SLC43A2: variants seen among roughly 807,000 people sequenced by gnomAD.
SLC43A2 encodes the protein solute carrier family 43 member 2.
A neutral mutation model predicts 63.2 loss-of-function variants in SLC43A2; 38 were observed. The observed-to-expected ratio is 0.60, with a 90% CI of 0.46 to 0.79. SLC43A2 has a LOEUF of 0.79. SLC43A2 is among the 30% of genes least tolerant of loss of function. The probability of loss-of-function intolerance (pLI) is 0.00; values close to 1 mark genes in which losing one functional copy is unlikely to be tolerated. For missense variants in SLC43A2, 644 were observed against 756.2 expected, an observed-to-expected ratio of 0.85 and a Z score of 1.74; for synonymous variants, 322 against 331.0, an observed-to-expected ratio of 0.97 and a Z score of 0.30.
chr17:1,611,363 C>T lies in SLC43A2; in HGVS notation c.501+1832G>A, dbSNP rs985596899. 9.9e-5 allele frequency among the ~76,000 whole-genome samples: 15 copies of T among 152,050 alleles called. No individual in the cohort carries two copies. In the East Asian group the frequency reaches 2.5e-3, roughly 26 times the overall value. ...GAGCTGCTGGTTTTCGGCCGAGCGCCGTGGCTCACGCCTGTCATCCCAGCA... is the reference window on the plus strand; with the variant it reads ...GAGCTGCTGGTTTTCGGCCGAGCGCTGTGGCTCACGCCTGTCATCCCAGCA... On this transcript the variant is annotated intron_variant, in intron 5 of 13. Coordinates refer to ENST00000301335, the MANE Select transcript of SLC43A2 (RefSeq NM_152346.3).
chr17:1,605,054 CT>C lies in SLC43A2; in HGVS notation c.501+8140del. The C allele has an allele frequency of 2.8e-6, 4 of 1,411,258 alleles. No homozygotes were observed. The highest frequency in any genetic ancestry group is 3.7e-6 in the Non-Finnish European group (4 of 1,083,666). The allele number at this position is 1,411,258 out of a possible 1,614,324, so 87.4% of individuals were successfully genotyped here. On this transcript the variant is annotated intron_variant, in intron 5 of 13. Transcript: ENST00000301335. This position sits in a 1 kb window ranked among gnomAD's most constrained non-coding sequence, Gnocchi z 4.9. The stretch of plus-strand genomic sequence containing the variant: ...TTTGCTGCCAAGCAGGAAGCCGGAG[CT>C]GTTTCCTGACTCACCACCACACTCA...
At chr17:1,611,911 C>G (rs200443676) in intron 5 of SLC43A2, among the ~76,000 whole-genome samples, 1 of 152,076 alleles carries the variant, frequency 6.6e-6, no homozygotes, top group Non-Finnish European at 1.5e-5. Context: ...GGCGAGCCCA[C>G]AGAGTTCCCT....
At chr17:1,587,265 T>C (rs1168074116) in intron 9 of SLC43A2, among the ~76,000 whole-genome samples, 5 of 152,172 alleles carry the variant, frequency 3.3e-5, no homozygotes, top group African/African-American at 9.7e-5. Context: ...GCCTGTGACG[T>C]TGGCGGGTAG....
chr17:1,584,600 T>C (rs751813937), intron 10 of SLC43A2, among the ~76,000 whole-genome samples: 3 of 151,854 alleles, frequency 2.0e-5, no homozygotes, highest in Non-Finnish European at 4.4e-5. Context: ...GATCACAAGA[T>C]CAGGAGATCA....
chr17:1,619,334 C>T (rs938796893), intron 2 of SLC43A2, among the ~76,000 whole-genome samples: 1 of 152,042 alleles, frequency 6.6e-6, no homozygotes, highest in East Asian at 1.9e-4. Context: ...AAAACAAAAA[C>T]AATGGCACCA....
chr17:1,594,781 G>A (rs1396450557), intron 5 of SLC43A2, among the ~76,000 whole-genome samples: 8 of 151,422 alleles, frequency 5.3e-5, no homozygotes, highest in Non-Finnish European at 8.8e-5. Flanking sequence ...GTAGAGACGG[G>A]GTTTCACCAC....
In SLC43A2 at chr17:1,586,043, A is replaced by C; in HGVS notation, c.1087T>G (p.Tyr363Asp). ...TGGAGCACGCCGAAGATGGAGGTGT[A>C]GAGGCCAACTGTGGAGGAAGGCGCT... is the stretch of plus-strand genomic sequence containing the variant. ...VSGDQKTVGL[Y>D]TSIFGVLQLL... The change falls in exon 10 of 14, where the codon TAC becomes GAC. Residue 363 changes from tyrosine to aspartate, a missense_variant. By Grantham distance (160) the Tyr-to-Asp change is radical (BLOSUM62 -3). Transcript: ENST00000301335. The C allele has an allele frequency of 6.3e-7, 1 of 1,596,164 alleles. No homozygotes were observed. The highest frequency in any genetic ancestry group is 8.5e-7 in the Non-Finnish European group (1 of 1,171,786).
At position 1,570,727 on chromosome 17, in the gene SLC43A2, C is replaced by G. The variant is rs1476738848; in HGVS notation, c.*4877G>C. 6.6e-6 allele frequency: 1 copy of G among 151,594 alleles called. No homozygotes were observed. Among genetic ancestry groups the G allele is most frequent in the Non-Finnish European group, 1.5e-5 (1 of 67,850 alleles). The allele number at this position is 151,594 out of a possible 1,614,324, so 9.4% of individuals were successfully genotyped here. On this transcript the variant is annotated 3_prime_UTR_variant, in exon 14 of 14. Coordinates refer to ENST00000301335, the MANE Select transcript of SLC43A2 (RefSeq NM_152346.3). ...GGTCTTGATCTCCTGACCTCGTGATCCGCCCGCCTCGGCCTCCCAAAGTGC... is the reference window on the plus strand; with the variant it reads ...GGTCTTGATCTCCTGACCTCGTGATGCGCCCGCCTCGGCCTCCCAAAGTGC...
At chr17:1,622,289 C>T (rs569961474) in intron 2 of SLC43A2, among the ~76,000 whole-genome samples, 6 of 152,346 alleles carry the variant, frequency 3.9e-5, no homozygotes, top group Non-Finnish European at 8.8e-5. Context: ...TCCGGCTGGG[C>T]GCGGTGGCTC....
chr17:1,622,390 C>T lies in SLC43A2; in HGVS notation c.160+5325G>A, dbSNP rs113860501. The stretch of plus-strand genomic sequence containing the variant: ...CATCGTGGCTAACACGGTGAAACCC[C>T]GTCTCTACTAAAAATACAAAAAAAT... On this transcript the variant is annotated intron_variant, in intron 2 of 13. Coordinates refer to ENST00000301335, the MANE Select transcript of SLC43A2 (RefSeq NM_152346.3). Among the ~76,000 whole-genome samples the T allele has an allele frequency of 7.3e-5, 11 of 151,158 alleles. 2 individuals carry two copies. The highest frequency in any genetic ancestry group is 2.2e-4 in the African/African-American group (9 of 40,972).
intron 8 of SLC43A2, 23 bp downstream of exon 8, chr17:1,591,246 C>T (rs769549931): frequency 6.9e-6 from 11 of 1,598,936 alleles, no homozygotes; most frequent in Admixed American, 5.0e-5. Flanking sequence ...GCCCGTCGCC[C>T]GGCTGCGGTC....
At position 1,586,042 on chromosome 17, in the gene SLC43A2, T is replaced by C; in HGVS notation, c.1088A>G (p.Tyr363Cys). The stretch of plus-strand genomic sequence containing the variant: ...CTGGAGCACGCCGAAGATGGAGGTG[T>C]AGAGGCCAACTGTGGAGGAAGGCGC... ...VSGDQKTVGLYTSIFGVLQLL... is the reference protein window; with the variant it reads ...VSGDQKTVGLCTSIFGVLQLL... The change falls in exon 10 of 14, where the codon TAC becomes TGC. Residue 363 changes from tyrosine to cysteine, a missense_variant. Transcript: ENST00000301335. 2 of 1,596,730 alleles carry C rather than the reference T, an allele frequency of 1.3e-6. No individual in the cohort carries two copies. Among genetic ancestry groups the C allele is most frequent in the Non-Finnish European group, 1.7e-6 (2 of 1,172,038 alleles).
chr17:1,608,020 C>T (rs1300661153), intron 5 of SLC43A2, among the ~76,000 whole-genome samples: 1 of 152,100 alleles, frequency 6.6e-6, no homozygotes, highest in African/African-American at 2.4e-5. Flanking sequence ...CTGGCTAAGA[C>T]AGTAGACCTT....
In SLC43A2 at chr17:1,591,264, G is replaced by C. The variant is rs760500551; in HGVS notation, c.931+5C>G. ...CGTCGCCCGGCTGCGGTCTCAGGCGGGTACCTGCGGCATCCGGCTGGCACT... is the reference window on the plus strand; with the variant it reads ...CGTCGCCCGGCTGCGGTCTCAGGCGCGTACCTGCGGCATCCGGCTGGCACT... On this transcript the variant is annotated splice_donor_5th_base_variant and intron_variant, in intron 8 of 13. Coordinates refer to ENST00000301335, the MANE Select transcript of SLC43A2 (RefSeq NM_152346.3). 6.2e-7 allele frequency: 1 copy of C among 1,602,500 alleles called. No homozygotes were observed. Among genetic ancestry groups the C allele is most frequent in the Non-Finnish European group, 8.5e-7 (1 of 1,179,760 alleles).
Position 1,583,549 on chromosome 17 carries a change from G to A in SLC43A2, c.1218-213C>T. 1.4e-6 allele frequency: 1 copy of A among 710,748 alleles called. No individual in the cohort carries two copies. The highest frequency in any genetic ancestry group is 2.2e-6 in the Non-Finnish European group (1 of 451,150). The allele number at this position is 710,748 out of a possible 1,614,324, so 44.0% of individuals were successfully genotyped here. A position where few individuals can be genotyped will look rare whatever the true frequency, so the allele number is the denominator to read the frequency against. On this transcript the variant is annotated intron_variant, in intron 10 of 13. Coordinates refer to ENST00000301335, the MANE Select transcript of SLC43A2 (RefSeq NM_152346.3). This position sits in a 1 kb window ranked among gnomAD's most constrained non-coding sequence, Gnocchi z 5.5. ...CAAGCTGAGTGTGACTCTCGGAGGG[G>A]GTCTCGGGTACAAGAAGATGGCCAT...
At chr17:1,624,143 G>C (rs1037833607) in intron 2 of SLC43A2, among the ~76,000 whole-genome samples, 1 of 152,236 alleles carries the variant, frequency 6.6e-6, no homozygotes, top group Admixed American at 6.5e-5. Flanking sequence ...GGGGATTAAC[G>C]ATCCACATGT....
chr17:1,626,423 C>G (rs531631551), intron 2 of SLC43A2, among the ~76,000 whole-genome samples: 2 of 152,230 alleles, frequency 1.3e-5, no homozygotes, highest in Admixed American at 6.5e-5. Flanking sequence ...AAAGACCTGC[C>G]AAGAACCCTT....
chr17:1,583,557 G>A lies in SLC43A2; in HGVS notation c.1218-221C>T, dbSNP rs7211755. 1 of 664,326 alleles carries A rather than the reference G, an allele frequency of 1.5e-6. No individual in the cohort carries two copies. Among genetic ancestry groups the A allele is most frequent in the Non-Finnish European group, 2.4e-6 (1 of 411,084 alleles). 41.2% of individuals were successfully genotyped at this position (664,326 alleles called of 1,614,324 possible). ...GTGTGACTCTCGGAGGGGGTCTCGG[G>A]TACAAGAAGATGGCCATCCATATGC... On this transcript the variant is annotated intron_variant, in intron 10 of 13. Coordinates refer to ENST00000301335, the MANE Select transcript of SLC43A2 (RefSeq NM_152346.3). The surrounding 1 kb of genome is among the most constrained non-coding windows in gnomAD (Gnocchi z 5.5).
At position 1,570,647 on chromosome 17, in the gene SLC43A2, C is replaced by A. The variant is rs1024731372; in HGVS notation, c.*4957G>T. 6.6e-6 allele frequency: 1 copy of A among 150,918 alleles called. No homozygotes were observed. Among genetic ancestry groups the A allele is most frequent in the African/African-American group, 2.4e-5 (1 of 40,904 alleles). 9.3% of individuals were successfully genotyped at this position (150,918 alleles called of 1,614,324 possible). On this transcript the variant is annotated 3_prime_UTR_variant, in exon 14 of 14. Transcript: ENST00000301335. ...GACTACAGGCGCCCGCCACTACGCC[C>A]GGCTAATTTTTTGTATTTTTAGTAG...
Sources: allele counts gnomAD v4.1 joint callset (sites outside exome capture counted in the v4.1 genomes callset), GRCh38; gene constraint gnomAD v4.1.1; non-coding constraint Gnocchi (gnomAD v3.1); transcripts MANE v1.5; gene names NCBI Gene and HGNC (gene_info 2026-07-23, HGNC 2026-07-21).